The following MYBL1 variants were observed in gnomAD, a reference collection of about 807,000 sequenced individuals.
MYBL1 encodes the protein myb-related protein A.
A neutral mutation model predicts 96.3 loss-of-function variants in MYBL1; 17 were observed. The observed-to-expected ratio is 0.18, with a 90% CI of 0.12 to 0.26. The LOEUF is 0.26. Among genes scored for constraint, MYBL1 ranks in the 10% least tolerant of loss-of-function variants. The pLI, the probability that MYBL1 is intolerant of heterozygous loss-of-function variation, is 1.00. For synonymous variants in MYBL1, 282 were observed against 292.7 expected (o/e 0.96, Z 0.37); for missense variants, 701 against 882.9 (o/e 0.79, Z 2.61).
In MYBL1 at chr8:66,595,578, T is replaced by C; in HGVS notation, c.687+5A>G. 6.7e-7 allele frequency: 1 copy of C among 1,496,894 alleles called. No homozygotes were observed. 92.7% of individuals were successfully genotyped at this position (1,496,894 alleles called of 1,614,324 possible). A position where few individuals can be genotyped will look rare whatever the true frequency, so the allele number is the denominator to read the frequency against. On this transcript the variant is annotated splice_donor_5th_base_variant and intron_variant, in intron 6 of 15. Transcript: ENST00000522677. ...TTAAATAATAAAGGTATTAAAAGTA[T>C]GTGCCTGAACAGGTATGTAAAACTG...
chr8:66,578,430 A>T (rs1452179891), intron 9 of MYBL1, among the ~76,000 whole-genome samples: 3 of 152,266 alleles, frequency 2.0e-5, no homozygotes, highest in Non-Finnish European at 2.9e-5. Context: ...GGATATCAAC[A>T]GACACTTCTC....
At chr8:66,578,560 T>A (rs1158675509) in intron 9 of MYBL1, among the ~76,000 whole-genome samples, 1 of 150,754 alleles carries the variant, frequency 6.6e-6, no homozygotes, top group South Asian at 2.1e-4. Context: ...AGAATGGCAA[T>A]CATTAAAAAG....
At chr8:66,609,294 T>C (rs982516619) in intron 1 of MYBL1, among the ~76,000 whole-genome samples, 15 of 152,028 alleles carry the variant, frequency 9.9e-5, no homozygotes, top group African/African-American at 3.6e-4. Flanking sequence ...AGGAGGAAAC[T>C]GAAATTTTTT....
chr8:66,585,365 C>T (rs2129872811), intron 8 of MYBL1, among the ~76,000 whole-genome samples: 1 of 152,216 alleles, frequency 6.6e-6, no homozygotes, highest in East Asian at 1.9e-4. Context: ...TTAAAAAAAC[C>T]TCCTTTTTTG....
Position 66,595,590 on chromosome 8 carries a change from G to A in MYBL1, c.680C>T (p.Pro227Leu). Reference protein sequence around the residue: ...HMQTQNQFYIPVQIPGYQYVS... With the variant: ...HMQTQNQFYILVQIPGYQYVS... ...GGTATTAAAAGTATGTGCCTGAACAGGTATGTAAAACTGATTCTGGGTTTG... is the reference window on the plus strand; with the variant it reads ...GGTATTAAAAGTATGTGCCTGAACAAGTATGTAAAACTGATTCTGGGTTTG... Residue 227 changes from proline to leucine, a missense_variant, in exon 6 of 16, where the codon CCT (proline) becomes CTT (leucine). Physicochemically the swap from Pro to Leu is moderately conservative, Grantham distance 98. Coordinates refer to ENST00000522677, the MANE Select transcript of MYBL1 (RefSeq NM_001080416.4). 1 of 1,560,624 alleles carries A rather than the reference G, an allele frequency of 6.4e-7. No individual in the cohort carries two copies. The highest frequency in any genetic ancestry group is 8.7e-7 in the Non-Finnish European group (1 of 1,154,914).
chr8:66,592,083 C>T (rs571631650), intron 8 of MYBL1, among the ~76,000 whole-genome samples: 11 of 151,888 alleles, frequency 7.2e-5, no homozygotes, highest in African/African-American at 2.2e-4. Flanking sequence ...CTGAGCAACA[C>T]GGTGAAACCC....
chr8:66,592,500 C>T lies in MYBL1; in HGVS notation c.807G>A (p.Lys269=), dbSNP rs1319077129. ...CTGACATAAGAAGCATCTCAAGTTC[C>T]TTTATTTTCTTTTCCTTATCAGGAT... The part of the protein sequence containing the change: ...DEDPDKEKKI[K]ELEMLLMSAE... The change falls in exon 8 of 16, where the codon AAG becomes AAA. Residue 269 remains lysine (K), a synonymous_variant. Coordinates refer to ENST00000522677, the MANE Select transcript of MYBL1 (RefSeq NM_001080416.4). 7 of 1,601,506 alleles carry T rather than the reference C, an allele frequency of 4.4e-6. No homozygotes were observed. Among genetic ancestry groups the T allele is most frequent in the Non-Finnish European group, 2.5e-6 (3 of 1,178,120 alleles).
intron 15 of MYBL1, 134 bp from the exon 16 acceptor site, chr8:66,564,959 G>T: frequency 6.1e-6 from 3 of 489,840 alleles, no homozygotes; most frequent in Non-Finnish European, 9.8e-6. Flanking sequence ...TTTTAACAAT[G>T]GCACTGTATT....
chr8:66,612,833 C>A lies in MYBL1; in HGVS notation c.6G>T (p.Ala2=), dbSNP rs759227613. ...GTGCCACCCACCTGCGCGACCTCTT[C>A]GCCATCCTTCAAGTACCGCATAGGA... M[A]KRSRSEDEDD... Residue 2 remains alanine (A), a synonymous_variant, in exon 1 of 16, where the codon GCG becomes GCT. Coordinates refer to ENST00000522677, the MANE Select transcript of MYBL1 (RefSeq NM_001080416.4). 7.3e-7 allele frequency: 1 copy of A among 1,373,882 alleles called. No individual in the cohort carries two copies. The highest frequency in any genetic ancestry group is 2.0e-5 in the South Asian group (1 of 49,940). 85.1% of individuals were successfully genotyped at this position (1,373,882 alleles called of 1,614,324 possible).
In MYBL1 at chr8:66,601,699, T is replaced by G. The variant is rs1046089711; in HGVS notation, c.197A>C (p.Gln66Pro). The G allele has an allele frequency of 6.1e-6, 9 of 1,485,886 alleles. No homozygotes were observed. Among genetic ancestry groups the G allele is most frequent in the Non-Finnish European group, 8.2e-6 (9 of 1,094,354 alleles). 92.0% of individuals were successfully genotyped at this position (1,485,886 alleles called of 1,614,324 possible). A position where few individuals can be genotyped will look rare whatever the true frequency, so the allele number is the denominator to read the frequency against. The change falls in exon 3 of 16, where the codon CAA becomes CCA. Residue 66 changes from glutamine to proline, a missense_variant and splice_region_variant. Gln to Pro is a moderately conservative substitution (Grantham distance 76). Coordinates refer to ENST00000522677, the MANE Select transcript of MYBL1 (RefSeq NM_001080416.4). ...AATATAATTTAATATTTCACTTACT[T>G]GAAGATGACTAGCAATTAGAGTCCA... is the stretch of plus-strand genomic sequence containing the variant. ...DDWTLIASHL[Q>P]NRSDFQCQHR...
chr8:66,593,780 A>G (rs1296926647), intron 6 of MYBL1, among the ~76,000 whole-genome samples: 1 of 152,210 alleles, frequency 6.6e-6, no homozygotes, highest in Non-Finnish European at 1.5e-5. Flanking sequence ...AGAATTTTCA[A>G]GATACATATA....
chr8:66,591,434 T>C (rs1327053976), intron 8 of MYBL1, among the ~76,000 whole-genome samples: 1 of 152,126 alleles, frequency 6.6e-6, no homozygotes, highest in African/African-American at 2.4e-5. Flanking sequence ...CAATCTAGCA[T>C]AACCTGCTTA....
intron 8 of MYBL1, among the ~76,000 whole-genome samples, chr8:66,582,306 T>C (rs1809244572): frequency 6.6e-6 from 1 of 152,004 alleles, no homozygotes; most frequent in Non-Finnish European, 1.5e-5. Context: ...ATGTCACCTG[T>C]AAAGACACAT....
At chr8:66,593,927 G>C (rs1427265916) in intron 6 of MYBL1, among the ~76,000 whole-genome samples, 6 of 152,022 alleles carry the variant, frequency 3.9e-5, no homozygotes, top group Admixed American at 3.9e-4. Flanking sequence ...CTTGAGCCCA[G>C]GAGTCCAAGA....
chr8:66,599,489 T>C (rs1809980679), intron 3 of MYBL1, among the ~76,000 whole-genome samples: 1 of 152,096 alleles, frequency 6.6e-6, no homozygotes, highest in Non-Finnish European at 1.5e-5. Flanking sequence ...GACAGAAAAC[T>C]ACACAAAGCT....
chr8:66,593,039 G>T, intron 7 of MYBL1, 81 bp downstream of exon 7: 1 of 835,398 alleles, frequency 1.2e-6, no homozygotes, highest in Non-Finnish European at 1.9e-6. Context: ...TAGTTTAATA[G>T]ATGAGGAAAT....
chr8:66,600,470 T>C (rs1329638049), intron 3 of MYBL1, among the ~76,000 whole-genome samples: 1 of 152,248 alleles, frequency 6.6e-6, no homozygotes, highest in African/African-American at 2.4e-5. Context: ...AGCATTTCTG[T>C]TAATGCTAAT....
Position 66,593,192 on chromosome 8 carries a change from G to A in MYBL1, c.690C>T (p.Ile230=), listed in dbSNP as rs1039659967. ...TQNQFYIPVQ[I]PGYQYVSPEG... is the part of the protein sequence containing the mutation. Reference sequence around the variant, plus strand: ...CAGGTGACACATACTGATACCCAGGGATCTAAAAAGTAATTAATGCATTAT... The same window carrying A: ...CAGGTGACACATACTGATACCCAGGAATCTAAAAAGTAATTAATGCATTAT... Residue 230 remains isoleucine, a splice_region_variant and synonymous_variant, in exon 7 of 16, where the codon ATC becomes ATT. Coordinates refer to ENST00000522677, the MANE Select transcript of MYBL1 (RefSeq NM_001080416.4). 2 of 1,560,394 alleles carry A rather than the reference G, an allele frequency of 1.3e-6. No homozygotes were observed. Among genetic ancestry groups the A allele is most frequent in the Non-Finnish European group, 1.7e-6 (2 of 1,143,402 alleles).
chr8:66,569,327 G>A (rs919210868), intron 12 of MYBL1, among the ~76,000 whole-genome samples: 5 of 150,602 alleles, frequency 3.3e-5, no homozygotes, highest in Admixed American at 2.7e-4. Flanking sequence ...TGGTGCATAC[G>A]TACCGCATTT....
Sources: allele counts gnomAD v4.1 joint callset (sites outside exome capture counted in the v4.1 genomes callset), GRCh38; gene constraint gnomAD v4.1.1; transcripts MANE v1.5; gene names NCBI Gene and HGNC (gene_info 2026-07-23, HGNC 2026-07-21).